WDPCP: variants seen among roughly 807,000 people sequenced by gnomAD.
The protein encoded by WDPCP is WD repeat containing planar cell polarity effector.
Under a neutral mutation model 93.1 loss-of-function variants are expected in WDPCP, and 71 were observed. The observed-to-expected ratio is 0.76, with a 90% confidence interval of 0.63 to 0.93. The LOEUF is 0.93. Among genes scored for constraint, WDPCP ranks in the 40% least tolerant of loss-of-function variants. The probability of loss-of-function intolerance (pLI) is 0.00; values close to 1 mark genes in which losing one functional copy is unlikely to be tolerated. For synonymous variants in WDPCP, 315 were observed against 315.0 expected (o/e 1.00, Z 0.00); for missense variants, 844 against 887.4 (o/e 0.95, Z 0.62).
chr2:63,368,533 C>G (rs1329434587), intron 12 of WDPCP, among the ~76,000 whole-genome samples: 1 of 151,722 alleles, frequency 6.6e-6, no homozygotes, highest in Admixed American at 6.6e-5. Flanking sequence ...ACCATGTTGG[C>G]CGGGCTGGTC....
intron 13 of WDPCP, among the ~76,000 whole-genome samples, chr2:63,303,981 A>AC (rs937197352): frequency 6.6e-6 from 1 of 151,510 alleles, no homozygotes. Flanking sequence ...AAAAAAAAAA[A>AC]AAAAACAGAT....
intron 12 of WDPCP, among the ~76,000 whole-genome samples, chr2:63,318,305 T>TAC (rs757733180): frequency 6.6e-5 from 10 of 152,154 alleles, no homozygotes; most frequent in Non-Finnish European, 1.5e-4. Flanking sequence ...AGAACACTTA[T>TAC]ACACCCCTAC....
At chr2:63,613,875 T>C (rs1014271586) in intron 3 of WDPCP, among the ~76,000 whole-genome samples, 6 of 152,134 alleles carry the variant, frequency 3.9e-5, no homozygotes, top group African/African-American at 1.4e-4. Context: ...AGAAATGCAA[T>C]TGTCTTAAGA....
intron 1 of WDPCP, among the ~76,000 whole-genome samples, chr2:63,576,711 A>G (rs1264614187): frequency 6.6e-6 from 1 of 152,168 alleles, no homozygotes; most frequent in African/African-American, 2.4e-5. Context: ...TCCTCTGGCA[A>G]CCAGCCCCCC....
rs6734827 is a variant in WDPCP at position 63,120,607 on chromosome 2, G to A, written c.*1399C>T. Among the ~76,000 whole-genome samples the A allele has an allele frequency of 0.51, 74,477 of 147,300 alleles. 19,355 individuals carry two copies. Among genetic ancestry groups the A allele is most frequent in the Middle Eastern group, 0.59 (170 of 286 alleles). Reference sequence around the variant, plus strand: ...AATGGTGCGACCTCAGCTCACTGCAGCCTCCGCCCTCCGGGTTCACGCCAT... The same window carrying A: ...AATGGTGCGACCTCAGCTCACTGCAACCTCCGCCCTCCGGGTTCACGCCAT... On this transcript the variant is annotated 3_prime_UTR_variant, in exon 18 of 18. Coordinates refer to ENST00000272321, the MANE Select transcript of WDPCP (RefSeq NM_015910.7).
chr2:63,431,723 G>A, intron 9 of WDPCP, among the ~76,000 whole-genome samples: 1 of 151,896 alleles, frequency 6.6e-6, no homozygotes, highest in East Asian at 1.9e-4. Flanking sequence ...TCTTCTACAA[G>A]ATTATACTTT....
At chr2:63,562,790 A>G (rs1436377278) in intron 1 of WDPCP, among the ~76,000 whole-genome samples, 1 of 152,166 alleles carries the variant, frequency 6.6e-6, no homozygotes. Flanking sequence ...CTGACATTCA[A>G]AATGTCCCAG....
intron 14 of WDPCP, among the ~76,000 whole-genome samples, chr2:63,199,838 G>A (rs552655607): frequency 3.9e-5 from 6 of 152,266 alleles, no homozygotes; most frequent in South Asian, 4.1e-4. Flanking sequence ...GTAGATACAC[G>A]AATAACTTGT....
intron 15 of WDPCP, among the ~76,000 whole-genome samples, chr2:63,174,022 T>A (rs1002043283): frequency 9.2e-5 from 14 of 152,194 alleles, no homozygotes; most frequent in African/African-American, 3.4e-4. Flanking sequence ...CTGTGGCCAC[T>A]TTTTTACTGT....
At chr2:63,158,973 C>CAAAAAAAAA (rs34001322) in intron 15 of WDPCP, among the ~76,000 whole-genome samples, 3 of 61,134 alleles carry the variant, frequency 4.9e-5, no homozygotes, top group African/African-American at 8.7e-5. Flanking sequence ...CTCATCTCTA[C>CAAAAAAAAA]AAAAAAAAAA....
Position 63,259,310 on chromosome 2 carries a change from C to A in WDPCP, c.1912G>T (p.Val638Phe), listed in dbSNP as rs767576008. The change falls in exon 14 of 18, where the codon GTT becomes TTT. Residue 638 changes from valine to phenylalanine, a missense_variant. Coordinates refer to ENST00000272321, the MANE Select transcript of WDPCP (RefSeq NM_015910.7). The stretch of plus-strand genomic sequence containing the variant: ...TAAAAATAGCGTTAATTCTTACCAA[C>A]CCCAGAGGTTATTGATTCTGCATCA... The part of the protein sequence containing the change: ...DIDAESITSG[V>F]ELLGPLDRGD... The A allele has an allele frequency of 1.2e-6, 2 of 1,612,160 alleles. No homozygotes were observed. The highest frequency in any genetic ancestry group is 3.3e-5 in the Admixed American group (2 of 59,988).
At chr2:63,431,221 G>C (rs1394189929) in intron 9 of WDPCP, among the ~76,000 whole-genome samples, 1 of 151,880 alleles carries the variant, frequency 6.6e-6, no homozygotes, top group Non-Finnish European at 1.5e-5. Flanking sequence ...AAATCGCCTA[G>C]GGAACCTGTA....
At chr2:63,489,961 G>T (rs546526245) in intron 2 of WDPCP, among the ~76,000 whole-genome samples, 1 of 152,104 alleles carries the variant, frequency 6.6e-6, no homozygotes, top group East Asian at 1.9e-4. Context: ...GGGACAAATT[G>T]AAATTATGCA....
intron 15 of WDPCP, among the ~76,000 whole-genome samples, chr2:63,157,992 TAATTG>T (rs1672373638): frequency 6.6e-6 from 1 of 151,930 alleles, no homozygotes; most frequent in South Asian, 2.1e-4. Flanking sequence ...TATAAGCATT[TAATTG>T]AGTAAAATTC....
At chr2:63,311,709 G>C (rs1686201009) in intron 13 of WDPCP, among the ~76,000 whole-genome samples, 1 of 152,126 alleles carries the variant, frequency 6.6e-6, no homozygotes, top group Non-Finnish European at 1.5e-5. Context: ...ACTTTATATT[G>C]TTATTGGCTA....
At chr2:63,145,351 G>C (rs1295369739) in intron 17 of WDPCP, among the ~76,000 whole-genome samples, 1 of 151,892 alleles carries the variant, frequency 6.6e-6, no homozygotes, top group Admixed American at 6.6e-5. Context: ...TCTACTACCA[G>C]GGTGGATAGG....
chr2:63,566,509 T>C (rs1707065999), intron 1 of WDPCP, among the ~76,000 whole-genome samples: 1 of 152,238 alleles, frequency 6.6e-6, no homozygotes, highest in Non-Finnish European at 1.5e-5. Context: ...TTTGGGCACA[T>C]GTTGTCAGGA....
intron 13 of WDPCP, among the ~76,000 whole-genome samples, chr2:63,292,677 A>G (rs1367795805): frequency 6.6e-6 from 1 of 152,224 alleles, no homozygotes; most frequent in Non-Finnish European, 1.5e-5. Flanking sequence ...CCTTTCTGAT[A>G]TATCAAAAAT....
chr2:63,310,692 C>CG (rs6146787), intron 13 of WDPCP, among the ~76,000 whole-genome samples: 2 of 152,028 alleles, frequency 1.3e-5, no homozygotes, highest in Non-Finnish European at 2.9e-5. Context: ...TGTAAAAAGT[C>CG]TAAAATATTT....
Sources: allele counts gnomAD v4.1 joint callset (sites outside exome capture counted in the v4.1 genomes callset), GRCh38; gene constraint gnomAD v4.1.1; transcripts MANE v1.5; gene names NCBI Gene and HGNC (gene_info 2026-07-23, HGNC 2026-07-21).